SGCZ: variants seen among roughly 807,000 people sequenced by gnomAD.
SGCZ encodes the protein sarcoglycan zeta, also known as zeta-sarcoglycan.
Under a neutral mutation model 41.3 loss-of-function variants are expected in SGCZ, and 40 were observed. The observed-to-expected ratio is 0.97, with a 90% CI of 0.75 to 1.26. The LOEUF is 1.26. Among genes scored for constraint, SGCZ ranks in the 50% most tolerant of loss-of-function variants. SGCZ has a pLI of 0.00. For missense variants in SGCZ, 552 were observed against 369.8 expected (o/e 1.49, Z -4.04); for synonymous variants, 206 against 137.5 (o/e 1.50, Z -3.49).
chr8:15,038,912 A>C (rs1237746393), intron 1 of SGCZ, among the ~76,000 whole-genome samples: 1 of 152,048 alleles, frequency 6.6e-6, no homozygotes, highest in Non-Finnish European at 1.5e-5. Context: ...AGAGAAATGC[A>C]AATTAAAACT....
intron 4 of SGCZ, among the ~76,000 whole-genome samples, chr8:14,236,529 A>G (rs1301385897): frequency 6.6e-6 from 1 of 152,002 alleles, no homozygotes; most frequent in East Asian, 1.9e-4. Flanking sequence ...TTATTTTTGC[A>G]TAATTTAATT....
chr8:15,015,450 A>G (rs968916714), intron 1 of SGCZ, among the ~76,000 whole-genome samples: 6 of 151,576 alleles, frequency 4.0e-5, no homozygotes, highest in African/African-American at 1.5e-4. Flanking sequence ...TTGTAATCCC[A>G]GCACTTTGGG....
chr8:15,177,815 T>A (rs548895873), intron 1 of SGCZ, among the ~76,000 whole-genome samples: 1 of 152,270 alleles, frequency 6.6e-6, no homozygotes, highest in Admixed American at 6.5e-5. Context: ...CCAGTATACG[T>A]GGACCTTTCA....
chr8:14,720,257 C>T (rs941282902), intron 1 of SGCZ, among the ~76,000 whole-genome samples: 8 of 151,576 alleles, frequency 5.3e-5, no homozygotes, highest in South Asian at 4.2e-4. Flanking sequence ...AAAAAATGAA[C>T]GATGCCCACT....
intron 1 of SGCZ, among the ~76,000 whole-genome samples, chr8:15,156,549 C>T (rs898452774): frequency 1.3e-5 from 2 of 152,174 alleles, no homozygotes; most frequent in Admixed American, 6.6e-5. Context: ...TTCACCTTCC[C>T]AGCTTGAAAT....
chr8:14,421,914 G>A (rs1799647459), intron 2 of SGCZ, among the ~76,000 whole-genome samples: 1 of 152,124 alleles, frequency 6.6e-6, no homozygotes, highest in Non-Finnish European at 1.5e-5. Context: ...TTAGTGGGAA[G>A]CTTATGGGCC....
chr8:14,258,291 A>C (rs925800208), intron 3 of SGCZ, among the ~76,000 whole-genome samples: 3 of 152,104 alleles, frequency 2.0e-5, no homozygotes, highest in South Asian at 2.1e-4. Flanking sequence ...TTACACCATT[A>C]ATCATTAAGG....
At chr8:14,646,764 A>T (rs6981990) in intron 1 of SGCZ, among the ~76,000 whole-genome samples, 16,355 of 151,914 alleles carry the variant, frequency 0.11, 1,070 homozygotes, top group African/African-American at 0.19. Flanking sequence ...ATTTTGTTCA[A>T]TTGTCCATTT....
intron 1 of SGCZ, among the ~76,000 whole-genome samples, chr8:14,795,082 A>G (rs1168483627): frequency 6.6e-6 from 1 of 152,224 alleles, no homozygotes; most frequent in African/African-American, 2.4e-5. Flanking sequence ...AGTTCCCTAG[A>G]TAAAGGAAAC....
At chr8:15,022,189 T>A (rs2130944133) in intron 1 of SGCZ, among the ~76,000 whole-genome samples, 1 of 152,364 alleles carries the variant, frequency 6.6e-6, no homozygotes, top group East Asian at 1.9e-4. Flanking sequence ...AATTTGTTTA[T>A]TTATACTTTC....
At chr8:14,199,249 G>A (rs1305673633) in intron 4 of SGCZ, among the ~76,000 whole-genome samples, 1 of 152,120 alleles carries the variant, frequency 6.6e-6, no homozygotes, top group Non-Finnish European at 1.5e-5. Context: ...GGCGATGGCT[G>A]TCATAGCGGA....
At chr8:15,146,102 G>A (rs1799028975) in intron 1 of SGCZ, among the ~76,000 whole-genome samples, 2 of 151,570 alleles carry the variant, frequency 1.3e-5, no homozygotes, top group South Asian at 4.2e-4. Context: ...TCATAAATCT[G>A]AGCAATTTGA....
intron 1 of SGCZ, among the ~76,000 whole-genome samples, chr8:15,018,658 A>G (rs1803134647): frequency 6.6e-6 from 1 of 152,196 alleles, no homozygotes; most frequent in Non-Finnish European, 1.5e-5. Flanking sequence ...TAAGTGATGA[A>G]GGCAAAGGTG....
At chr8:14,645,234 C>T (rs1807169297) in intron 1 of SGCZ, among the ~76,000 whole-genome samples, 1 of 150,828 alleles carries the variant, frequency 6.6e-6, no homozygotes, top group African/African-American at 2.4e-5. Context: ...TAAAAGGGTT[C>T]ACAATGACAA....
intron 2 of SGCZ, among the ~76,000 whole-genome samples, chr8:14,324,420 T>C (rs1347990152): frequency 2.0e-5 from 3 of 152,106 alleles, no homozygotes; most frequent in Admixed American, 6.5e-5. Flanking sequence ...TTTAAAGGAC[T>C]GTGTCTTCTT....
At chr8:14,586,900 GT>G (rs1805076495) in intron 1 of SGCZ, among the ~76,000 whole-genome samples, 1 of 151,828 alleles carries the variant, frequency 6.6e-6, no homozygotes, top group Non-Finnish European at 1.5e-5. Flanking sequence ...AATAAAGTTC[GT>G]AGTGGTGATT....
chr8:14,858,133 G>C (rs1473467645), intron 1 of SGCZ, among the ~76,000 whole-genome samples: 1 of 151,888 alleles, frequency 6.6e-6, no homozygotes, highest in Admixed American at 6.6e-5. Flanking sequence ...CAAGCTTTTT[G>C]ATCTTGACAA....
intron 1 of SGCZ, among the ~76,000 whole-genome samples, chr8:14,623,047 A>C (rs1309328811): frequency 6.6e-6 from 1 of 152,186 alleles, no homozygotes; most frequent in Non-Finnish European, 1.5e-5. Context: ...AATTCTCTCC[A>C]GGAACATACC....
chr8:14,355,160 C>G (rs73664317), intron 2 of SGCZ, among the ~76,000 whole-genome samples: 6,825 of 151,974 alleles, frequency 0.045, 503 homozygotes, highest in African/African-American at 0.15. Context: ...TGTTCATTCC[C>G]AAAGTGTTTG....
Sources: allele counts gnomAD v4.1 joint callset (sites outside exome capture counted in the v4.1 genomes callset), GRCh38; gene constraint gnomAD v4.1.1; transcripts MANE v1.5; gene names NCBI Gene and HGNC (gene_info 2026-07-23, HGNC 2026-07-21).